Variants in PDE3A observed in about 807,000 individuals in gnomAD.
The protein encoded by PDE3A is phosphodiesterase 3A.
Under a neutral mutation model 98.3 loss-of-function variants are expected in PDE3A, and 43 were observed. The ratio of observed to expected loss-of-function variants is 0.44; its 90% CI spans 0.34 to 0.56. PDE3A has a LOEUF of 0.56. PDE3A is among the 20% of genes least tolerant of loss of function. The probability of loss-of-function intolerance (pLI) is 0.01; values close to 1 mark genes in which losing one functional copy is unlikely to be tolerated. For missense variants in PDE3A, 1,427 were observed against 1,440.7 expected (o/e 0.99, Z 0.15); for synonymous variants, 663 against 567.9 (o/e 1.17, Z -2.38).
intron 1 of PDE3A, among the ~76,000 whole-genome samples, chr12:20,404,343 G>C (rs1211571913): frequency 1.3e-5 from 2 of 151,880 alleles, no homozygotes; most frequent in African/African-American, 4.8e-5. Context: ...TATAATCTTG[G>C]AGATGCATGT....
At position 20,552,943 on chromosome 12, in the gene PDE3A, A is replaced by G; in HGVS notation, c.961-3717A>G. ...CTACGACCTGGGCCGCAGCTATGCC[A>G]TGCAGGTGAACCAGCCTCTGCAGAC... is the stretch of plus-strand genomic sequence containing the variant. On this transcript the variant is annotated intron_variant, in intron 1 of 15. Transcript: ENST00000359062. This position sits in a 1 kb window ranked among gnomAD's most constrained non-coding sequence, Gnocchi z 5.1. 3.2e-6 allele frequency: 5 copies of G among 1,572,242 alleles called. No individual in the cohort carries two copies. The highest frequency in any genetic ancestry group is 4.3e-6 in the Non-Finnish European group (5 of 1,159,282).
intron 1 of PDE3A, among the ~76,000 whole-genome samples, chr12:20,493,395 T>C (rs1017723621): frequency 2.0e-5 from 3 of 152,138 alleles, no homozygotes; most frequent in Non-Finnish European, 4.4e-5. Flanking sequence ...AGAACTTACA[T>C]AGCATTTACA....
rs751548108 is a variant in PDE3A, at chr12:20,667,745, A to T, written c.3185-12285A>T. On this transcript the variant is annotated intron_variant, in intron 15 of 15. Transcript: ENST00000359062. ...CTTTTCGTTCAGGATTGCTTTGGCTACTCAAGCTCTTTTTTGGTTCCATAG... is the reference window on the plus strand; with the variant it reads ...CTTTTCGTTCAGGATTGCTTTGGCTTCTCAAGCTCTTTTTTGGTTCCATAG... Among the ~76,000 whole-genome samples, 71 of 152,182 alleles carry T rather than the reference A, an allele frequency of 4.7e-4. 1 individual carries two copies. Among genetic ancestry groups the T allele is most frequent in the Middle Eastern group, 6.8e-3 (2 of 294 alleles).
At chr12:20,416,336 G>A (rs9805045) in intron 1 of PDE3A, among the ~76,000 whole-genome samples, 94,066 of 152,062 alleles carry the variant, frequency 0.62, 30,846 homozygotes, top group East Asian at 0.88. Flanking sequence ...TTGTTTTCCT[G>A]TGCGGAATAT....
intron 1 of PDE3A, among the ~76,000 whole-genome samples, chr12:20,425,381 T>G (rs551401046): frequency 3.3e-4 from 50 of 152,316 alleles, no homozygotes; most frequent in African/African-American, 1.2e-3. Context: ...AAGAGAATAT[T>G]TCACCTTTCA....
At chr12:20,524,419 T>C (rs1418707672) in intron 1 of PDE3A, among the ~76,000 whole-genome samples, 1 of 152,174 alleles carries the variant, frequency 6.6e-6, no homozygotes, top group Non-Finnish European at 1.5e-5. Context: ...TCTTCTAGAA[T>C]GTGACAAAAT....
At chr12:20,504,182 T>A (rs1003951872) in intron 1 of PDE3A, among the ~76,000 whole-genome samples, 2 of 152,144 alleles carry the variant, frequency 1.3e-5, no homozygotes, top group African/African-American at 4.8e-5. Context: ...TTATTTTCCT[T>A]TTCCTTCTCC....
At position 20,616,379 on chromosome 12, in the gene PDE3A, A is replaced by G; in HGVS notation, c.1419A>G (p.Ser473=). 6.2e-7 allele frequency: 1 copy of G among 1,612,884 alleles called. No individual in the cohort carries two copies. Among genetic ancestry groups the G allele is most frequent in the South Asian group, 1.1e-5 (1 of 90,926 alleles). ...GCATCAAACTGCAGGAAGCACCTTC[A>G]TCCAGGTGGCATACGGCTCCTGCTG... ...STSIKLQEAP[S]SSPDSWNNPV... The change falls in exon 4 of 16, where the codon TCA becomes TCG. Residue 473 remains serine (S), a synonymous_variant. Transcript: ENST00000359062.
intron 1 of PDE3A, among the ~76,000 whole-genome samples, chr12:20,453,563 C>G (rs1945104610): frequency 1.3e-5 from 2 of 152,216 alleles, no homozygotes; most frequent in South Asian, 4.1e-4. Context: ...GATGATTTGT[C>G]AAGAGTATCT....
intron 1 of PDE3A, among the ~76,000 whole-genome samples, chr12:20,553,982 T>C (rs867451019): frequency 1.4e-5 from 2 of 141,904 alleles, no homozygotes; most frequent in Admixed American, 7.6e-5. Context: ...TACAAGAGGG[T>C]TTTTTTTTTA....
chr12:20,441,028 A>T (rs1253947115), intron 1 of PDE3A, among the ~76,000 whole-genome samples: 4 of 152,192 alleles, frequency 2.6e-5, no homozygotes, highest in African/African-American at 9.7e-5. Flanking sequence ...GATTGGATCT[A>T]ATTCCTTGAA....
chr12:20,465,443 C>T (rs1945325320), intron 1 of PDE3A, among the ~76,000 whole-genome samples: 1 of 152,098 alleles, frequency 6.6e-6, no homozygotes, highest in African/African-American at 2.4e-5. Flanking sequence ...GACAGTCTCA[C>T]TCTGTCACCC....
intron 2 of PDE3A, among the ~76,000 whole-genome samples, chr12:20,561,198 C>A (rs895897690): frequency 6.6e-6 from 1 of 151,758 alleles, no homozygotes; most frequent in Non-Finnish European, 1.5e-5. Context: ...GCAGAGGCTG[C>A]AGTGAGCCAA....
intron 15 of PDE3A, 31 bp from the exon 16 acceptor site, chr12:20,679,999 G>A: frequency 6.5e-7 from 1 of 1,531,946 alleles, no homozygotes; most frequent in Non-Finnish European, 8.9e-7. Flanking sequence ...TAAGTAGTCT[G>A]ATTTGGTGTT....
At chr12:20,556,761 G>A (rs756780981) in intron 2 of PDE3A, 51 bp downstream of exon 2, 1 of 1,301,990 alleles carries the variant, frequency 7.7e-7, no homozygotes, top group Non-Finnish European at 1.1e-6. Context: ...AACACTTTCA[G>A]CCACGGGTTT....
At chr12:20,396,228 C>T (rs773002518) in intron 1 of PDE3A, among the ~76,000 whole-genome samples, 14 of 152,150 alleles carry the variant, frequency 9.2e-5, no homozygotes, top group Middle Eastern at 3.4e-3. Flanking sequence ...ATAAGGTTAC[C>T]CCTTTTTGCT....
chr12:20,575,276 G>A (rs1425506538), intron 2 of PDE3A, among the ~76,000 whole-genome samples: 1 of 151,896 alleles, frequency 6.6e-6, no homozygotes, highest in African/African-American at 2.4e-5. Flanking sequence ...CAAACAAAAT[G>A]TTACTTAAGT....
intron 1 of PDE3A, among the ~76,000 whole-genome samples, chr12:20,457,251 C>A (rs997052991): frequency 6.6e-6 from 1 of 150,644 alleles, no homozygotes; most frequent in African/African-American, 2.4e-5. Context: ...TATTATTATT[C>A]TATTATATAT....
At chr12:20,601,431 G>A (rs1259685649) in intron 2 of PDE3A, among the ~76,000 whole-genome samples, 2 of 152,106 alleles carry the variant, frequency 1.3e-5, no homozygotes, top group Non-Finnish European at 2.9e-5. Flanking sequence ...TGCATATGGG[G>A]CAGGAAAAAG....
Sources: allele counts gnomAD v4.1 joint callset (sites outside exome capture counted in the v4.1 genomes callset), GRCh38; gene constraint gnomAD v4.1.1; non-coding constraint Gnocchi (gnomAD v3.1); transcripts MANE v1.5; gene names NCBI Gene and HGNC (gene_info 2026-07-23, HGNC 2026-07-21).